Variants in RAB40B observed in about 807,000 individuals in gnomAD.
RAB40B encodes the protein ras-related protein Rab-40B.
Under a neutral mutation model 24.0 loss-of-function variants are expected in RAB40B, and 21 were observed. That is an observed-to-expected ratio of 0.88 (90% CI 0.62 to 1.26). The LOEUF (loss-of-function observed/expected upper bound fraction) is 1.26, where lower values mean the gene tolerates loss of function less well. Among genes scored for constraint, RAB40B ranks in the 50% most tolerant of loss-of-function variants. RAB40B has a pLI of 0.00. For missense variants in RAB40B, 348 were observed against 390.5 expected (o/e 0.89, Z 0.92); for synonymous variants, 167 against 169.8 (o/e 0.98, Z 0.13).
At chr17:82,684,853 C>T (rs2046481221) in intron 1 of RAB40B, among the ~76,000 whole-genome samples, 2 of 152,130 alleles carry the variant, frequency 1.3e-5, no homozygotes, top group South Asian at 4.1e-4. Flanking sequence ...GTGGCCCACG[C>T]CTGTAATCCT....
Position 82,658,573 on chromosome 17 carries a change from G to T in RAB40B, c.483C>A (p.Phe161Leu). 1 of 1,613,542 alleles carries T rather than the reference G, an allele frequency of 6.2e-7. No homozygotes were observed. Among genetic ancestry groups the T allele is most frequent in the African/African-American group, 1.3e-5 (1 of 74,820 alleles). Residue 161 changes from phenylalanine (F) to leucine (L), a missense_variant, in exon 5 of 6, where the codon TTC becomes TTA. Phe to Leu is a conservative substitution (Grantham distance 22, BLOSUM62 0). Coordinates refer to ENST00000571995, the MANE Select transcript of RAB40B (RefSeq NM_006822.3). ...GCTCCGTGAACGACTCTGTGATGTT[G>T]AAATTGCACAGAGGGCTGACCTCAA... is the stretch of plus-strand genomic sequence containing the variant. The part of the protein sequence containing the change: ...TFFEVSPLCN[F>L]NITESFTELA...
intron 1 of RAB40B, among the ~76,000 whole-genome samples, chr17:82,680,744 T>G (rs2046440956): frequency 1.3e-5 from 2 of 152,202 alleles, no homozygotes; most frequent in South Asian, 4.1e-4. Context: ...TAAAATATAA[T>G]TTCTGGGCCA....
Position 82,659,577 on chromosome 17 carries a change from T to C in RAB40B, c.342+3A>G. On this transcript the variant is annotated splice_donor_region_variant and intron_variant, in intron 4 of 5. Transcript: ENST00000571995. ...CTTGGGCAGTGGCATTTCTACAACA[T>C]ACCTCATCGATCTCCTTAATCCATC... 1 of 1,613,920 alleles carries C rather than the reference T, an allele frequency of 6.2e-7. No individual in the cohort carries two copies. Among genetic ancestry groups the C allele is most frequent in the Non-Finnish European group, 8.5e-7 (1 of 1,179,860 alleles).
chr17:82,686,635 A>G (rs545561709), intron 1 of RAB40B, among the ~76,000 whole-genome samples: 1 of 152,342 alleles, frequency 6.6e-6, no homozygotes, highest in Non-Finnish European at 1.5e-5. Context: ...GGGAGTCAGG[A>G]AGGGTCCCCG....
At chr17:82,665,852 G>C (rs1445134503) in intron 1 of RAB40B, among the ~76,000 whole-genome samples, 1 of 151,464 alleles carries the variant, frequency 6.6e-6, no homozygotes, top group African/African-American at 2.4e-5. Flanking sequence ...GGGCGACAGA[G>C]GGAGACTCTG....
At chr17:82,677,417 G>A (rs2046405235) in intron 1 of RAB40B, among the ~76,000 whole-genome samples, 1 of 152,154 alleles carries the variant, frequency 6.6e-6, no homozygotes, top group Non-Finnish European at 1.5e-5. Flanking sequence ...GTCCCAACAG[G>A]GCAGAAAGCA....
intron 3 of RAB40B, 109 bp from the exon 4 acceptor site, chr17:82,659,766 A>C: frequency 3.7e-6 from 3 of 819,804 alleles, no homozygotes; most frequent in Non-Finnish European, 6.1e-6. Context: ...TTTTAACACA[A>C]AGTACATAAT....
At chr17:82,687,471 C>T (rs1297320080) in intron 1 of RAB40B, among the ~76,000 whole-genome samples, 4 of 152,150 alleles carry the variant, frequency 2.6e-5, no homozygotes, top group African/African-American at 9.7e-5. Context: ...CAGGAGCAAA[C>T]TTTGCTGAGT....
At chr17:82,665,662 T>C (rs1193688364) in intron 1 of RAB40B, among the ~76,000 whole-genome samples, 1 of 152,044 alleles carries the variant, frequency 6.6e-6, no homozygotes, top group African/African-American at 2.4e-5. Context: ...AGGTCAGGAA[T>C]TCAAGACCAG....
chr17:82,671,205 A>AAC (rs201888700), intron 1 of RAB40B, among the ~76,000 whole-genome samples: 414 of 49,034 alleles, frequency 8.4e-3, no homozygotes, highest in African/African-American at 0.017. Flanking sequence ...CCGTAACTCT[A>AAC]ACACACACTC....
intron 5 of RAB40B, 29 bp downstream of exon 5, chr17:82,658,462 G>A (rs1321473390): frequency 6.2e-7 from 1 of 1,606,928 alleles, no homozygotes; most frequent in Admixed American, 1.7e-5. Flanking sequence ...GAGGGCAGAG[G>A]TGGCCCCCGG....
At chr17:82,674,618 G>A (rs1389179876) in intron 1 of RAB40B, among the ~76,000 whole-genome samples, 12 of 145,256 alleles carry the variant, frequency 8.3e-5, no homozygotes, top group Admixed American at 3.5e-4. Context: ...CAGCCTGGGC[G>A]ACAGAGCAAG....
At chr17:82,670,539 T>A (rs1180798934) in intron 1 of RAB40B, among the ~76,000 whole-genome samples, 1 of 150,670 alleles carries the variant, frequency 6.6e-6, no homozygotes, top group Non-Finnish European at 1.5e-5. Flanking sequence ...TCCTGATTTT[T>A]TTTTTTTTTT....
intron 1 of RAB40B, among the ~76,000 whole-genome samples, chr17:82,679,368 G>A (rs186634489): frequency 0.14 from 21,763 of 151,020 alleles, 1,931 homozygotes; most frequent in Non-Finnish European, 0.2. Flanking sequence ...TGCAAGCTCC[G>A]CCTCCTGGGT....
At chr17:82,688,621 A>T (rs534775702) in intron 1 of RAB40B, among the ~76,000 whole-genome samples, 1 of 150,668 alleles carries the variant, frequency 6.6e-6, no homozygotes, top group South Asian at 2.1e-4. Context: ...TCTCAAAAAT[A>T]CATAAATAAA....
chr17:82,693,800 T>C (rs1345554366), intron 1 of RAB40B, among the ~76,000 whole-genome samples: 1 of 151,916 alleles, frequency 6.6e-6, no homozygotes, highest in Non-Finnish European at 1.5e-5. Context: ...AAGTGCACAT[T>C]GGCCAGGCGC....
chr17:82,677,845 C>T (rs1269419823), intron 1 of RAB40B, among the ~76,000 whole-genome samples: 1 of 152,220 alleles, frequency 6.6e-6, no homozygotes, highest in Non-Finnish European at 1.5e-5. Context: ...TGCACCTGAC[C>T]CGGGGCCTCT....
chr17:82,683,507 G>C (rs775559201), intron 1 of RAB40B, among the ~76,000 whole-genome samples: 2 of 152,116 alleles, frequency 1.3e-5, no homozygotes, highest in Non-Finnish European at 2.9e-5. Flanking sequence ...AGCAAAAGAG[G>C]CCAGACATAG....
Position 82,692,476 on chromosome 17 carries a change from A to C in RAB40B, c.142+5979T>G, listed in dbSNP as rs911044101. On this transcript the variant is annotated intron_variant, in intron 1 of 5. Coordinates refer to ENST00000571995, the MANE Select transcript of RAB40B (RefSeq NM_006822.3). This position sits in a 1 kb window ranked among gnomAD's most constrained non-coding sequence, Gnocchi z 4.0. The stretch of plus-strand genomic sequence containing the variant: ...TGGCCAGCACAGGGCATGCCCATCC[A>C]CAGAAGACAGAGTCTGACCCGGGGC... Among the ~76,000 whole-genome samples, 2 of 152,130 alleles carry C rather than the reference A, an allele frequency of 1.3e-5. No individual in the cohort carries two copies. Among genetic ancestry groups the C allele is most frequent in the East Asian group, 3.8e-4 (2 of 5,196 alleles).
Sources: gnomAD v4.1 joint callset for allele counts (sites outside exome capture counted in the v4.1 genomes callset) on GRCh38, gnomAD v4.1.1 for gene constraint, Gnocchi (gnomAD v3.1) non-coding constraint, MANE v1.5 for transcripts, NCBI Gene and HGNC (gene_info 2026-07-23, HGNC 2026-07-21) for gene names.